GPHN: variants seen among roughly 807,000 people sequenced by gnomAD.
GPHN encodes the protein gephyrin.
Under a neutral mutation model 95.5 loss-of-function variants are expected in GPHN, and 17 were observed. The observed-to-expected ratio is 0.18, with a 90% CI of 0.12 to 0.27. The LOEUF is 0.27. Among genes scored for constraint, GPHN ranks in the 10% least tolerant of loss-of-function variants. The probability of loss-of-function intolerance (pLI) is 1.00; values close to 1 mark genes in which losing one functional copy is unlikely to be tolerated. For missense variants in GPHN, 660 were observed against 978.1 expected, an observed-to-expected ratio of 0.67 and a Z score of 4.34; for synonymous variants, 320 against 322.5, an observed-to-expected ratio of 0.99 and a Z score of 0.08.
At chr14:67,204,593 T>C in the GPHN span, 3 of 1,613,710 alleles carry the variant, frequency 1.9e-6, no homozygotes, top group Middle Eastern at 1.6e-4. Flanking sequence ...AACATGAGCC[T>C]GAAAGTAAAG....
chr14:67,308,582 GT>G, the GPHN span, among the ~76,000 whole-genome samples: 2 of 124,534 alleles, frequency 1.6e-5, no homozygotes, highest in Non-Finnish European at 3.2e-5. Context: ...GTTTCACTCT[GT>G]TGTCCAGGCT....
intron 4 of GPHN, among the ~76,000 whole-genome samples, chr14:66,829,633 A>C (rs2061510039): frequency 1.3e-5 from 2 of 152,212 alleles, no homozygotes; most frequent in Non-Finnish European, 2.9e-5. Context: ...ACACAAAATA[A>C]CTTTCAGTAC....
the GPHN span, among the ~76,000 whole-genome samples, chr14:67,581,274 G>GCA: frequency 0.43 from 63,623 of 147,880 alleles, 13,815 homozygotes; most frequent in East Asian, 0.49. Context: ...GTGTGTATAT[G>GCA]CACACACACA....
intron 1 of GPHN, among the ~76,000 whole-genome samples, chr14:66,588,945 G>A (rs142706669): frequency 1.1e-3 from 168 of 152,182 alleles, no homozygotes; most frequent in African/African-American, 3.7e-3. Context: ...ATTCATCAAG[G>A]TTGAAATGAA....
chr14:66,700,931 C>T (rs1348378125), intron 2 of GPHN, among the ~76,000 whole-genome samples: 1 of 147,522 alleles, frequency 6.8e-6, no homozygotes, highest in African/African-American at 2.6e-5. Context: ...AAAAAAAAAA[C>T]TATATTATTT....
chr14:66,745,917 T>C (rs1246646059), intron 2 of GPHN, among the ~76,000 whole-genome samples: 1 of 152,100 alleles, frequency 6.6e-6, no homozygotes, highest in Admixed American at 6.5e-5. Context: ...ATAGTTTGTG[T>C]TTTTAAGAAT....
At chr14:66,779,231 A>T (rs1306848395) in intron 3 of GPHN, among the ~76,000 whole-genome samples, 1 of 152,190 alleles carries the variant, frequency 6.6e-6, no homozygotes, top group Non-Finnish European at 1.5e-5. Context: ...AATTTATTCC[A>T]ACTTTGTGTG....
chr14:66,874,262 C>T (rs1022258818), intron 4 of GPHN, among the ~76,000 whole-genome samples: 1 of 152,148 alleles, frequency 6.6e-6, no homozygotes, highest in Admixed American at 6.5e-5. Context: ...TCACCAACAT[C>T]AAAGAGCAAA....
chr14:67,478,754 G>A, the GPHN span, among the ~76,000 whole-genome samples: 14 of 152,056 alleles, frequency 9.2e-5, no homozygotes, highest in African/African-American at 3.1e-4. Context: ...CTCCTCCTCT[G>A]TGAGGACTTT....
the GPHN span, among the ~76,000 whole-genome samples, chr14:67,400,540 G>A: frequency 6.6e-6 from 1 of 152,198 alleles, no homozygotes; most frequent in Non-Finnish European, 1.5e-5. Flanking sequence ...AGGGGTCCTG[G>A]GGCAGCACTA....
At chr14:67,420,290 G>C in the GPHN span, among the ~76,000 whole-genome samples, 1 of 152,152 alleles carries the variant, frequency 6.6e-6, no homozygotes, top group Non-Finnish European at 1.5e-5. Context: ...ACCCAGCTCC[G>C]CCTCTGGGAG....
At chr14:67,144,244 AAAAAAAATATATATATATAT>A (rs1328842249) in intron 18 of GPHN, among the ~76,000 whole-genome samples, 27 of 67,636 alleles carry the variant, frequency 4.0e-4, no homozygotes, top group Admixed American at 1.5e-3. Flanking sequence ...CTTAAAAAAA[AAAAAAAATATATATATATAT>A]ATATATATAT....
the GPHN span, among the ~76,000 whole-genome samples, chr14:67,326,896 C>T: frequency 8.7e-3 from 1,329 of 152,332 alleles, 22 homozygotes; most frequent in African/African-American, 0.03. Context: ...TTTTGAGGGC[C>T]GGGCACAGTG....
chr14:67,202,986 G>T, the GPHN span: 2 of 1,179,534 alleles, frequency 1.7e-6, no homozygotes, highest in African/African-American at 3.1e-5. Flanking sequence ...ATATATCATG[G>T]TTCATTCCTC....
the GPHN span, among the ~76,000 whole-genome samples, chr14:67,457,081 TAC>T: frequency 3.3e-5 from 5 of 151,998 alleles, no homozygotes; most frequent in African/African-American, 1.2e-4. Flanking sequence ...AAACACTGAG[TAC>T]ACATGGACAT....
the GPHN span, among the ~76,000 whole-genome samples, chr14:67,496,798 C>CTTGCTTGG: frequency 2.4e-4 from 1 of 4,114 alleles, no homozygotes; most frequent in Non-Finnish European, 2.4e-3. Flanking sequence ...GTCTTTCTTT[C>CTTGCTTGG]TTGCTTGCTT....
chr14:66,928,083 AT>A (rs981820844), intron 8 of GPHN, among the ~76,000 whole-genome samples: 2 of 152,048 alleles, frequency 1.3e-5, no homozygotes, highest in Admixed American at 1.3e-4. Flanking sequence ...TTCCTTCTCT[AT>A]TTTTCAGAAT....
the GPHN span, among the ~76,000 whole-genome samples, chr14:67,345,492 T>C: frequency 6.6e-6 from 1 of 151,792 alleles, no homozygotes; most frequent in Non-Finnish European, 1.5e-5. Context: ...GAGGCAGAGG[T>C]TGCAGTGAGC....
the GPHN span, chr14:67,659,722 A>G: frequency 6.3e-7 from 1 of 1,583,284 alleles, no homozygotes; most frequent in Non-Finnish European, 8.6e-7. Context: ...CAAAACAGCT[A>G]AAACTTACCA....
Sources: allele counts gnomAD v4.1 joint callset (sites outside exome capture counted in the v4.1 genomes callset), GRCh38; gene constraint gnomAD v4.1.1; transcripts MANE v1.5; gene names NCBI Gene and HGNC (gene_info 2026-07-23, HGNC 2026-07-21).